Variants in POM121C observed in about 807,000 individuals in gnomAD.
POM121C encodes the protein POM121 transmembrane nucleoporin C.
In POM121C, 20 loss-of-function variants were observed where a neutral mutation model predicts 66.4. That is an observed-to-expected ratio of 0.30 (90% confidence interval 0.21 to 0.44). POM121C has a LOEUF of 0.44. Among genes scored for constraint, POM121C ranks in the 20% least tolerant of loss-of-function variants. The pLI, the probability that POM121C is intolerant of heterozygous loss-of-function variation, is 1.00. For missense variants in POM121C, 580 were observed against 1,225.7 expected, an observed-to-expected ratio of 0.47 and a Z score of 7.87; for synonymous variants, 286 against 528.0, an observed-to-expected ratio of 0.54 and a Z score of 6.28.
intron 3 of POM121C, among the ~76,000 whole-genome samples, chr7:75,469,262 G>C (rs1425470404): frequency 3.3e-5 from 5 of 151,932 alleles, no homozygotes; most frequent in African/African-American, 9.7e-5. Flanking sequence ...ACCAAACCCA[G>C]CTAATTTTTT....
chr7:75,429,554 C>G (rs1790086955), intron 7 of POM121C, among the ~76,000 whole-genome samples: 1 of 152,130 alleles, frequency 6.6e-6, no homozygotes, highest in South Asian at 2.1e-4. Flanking sequence ...TCACTTGAAC[C>G]CGGGAGGTGG....
At chr7:75,442,682 C>A (rs782185765) in intron 3 of POM121C, 20 of 1,428,382 alleles carry the variant, frequency 1.4e-5, no homozygotes, top group East Asian at 6.0e-5. Context: ...CGGCCGCCGC[C>A]GCTCGCCTGC....
rs1381974151 is a variant in POM121C, at chr7:75,441,493, C to T, written c.4G>A (p.Val2Met). The stretch of plus-strand genomic sequence containing the variant: ...ATCCTCACAGTCACTGGGCTACACA[C>T]CATCCTGGAGTTGCGAGGGGACAGC... The part of the protein sequence containing the change: M[V>M]CSPVTVRIAP... Residue 2 changes from valine (V) to methionine (M), a missense_variant, in exon 4 of 15, where the codon GTG (valine) becomes ATG (methionine). Coordinates refer to ENST00000615331, the MANE Select transcript of POM121C (RefSeq NM_001099415.3). The T allele has an allele frequency of 1.2e-6, 2 of 1,613,800 alleles. No individual in the cohort carries two copies. Among genetic ancestry groups the T allele is most frequent in the Admixed American group, 1.7e-5 (1 of 59,992 alleles).
intron 3 of POM121C, among the ~76,000 whole-genome samples, chr7:75,456,537 A>C (rs1346620026): frequency 6.6e-6 from 1 of 152,184 alleles, no homozygotes; most frequent in East Asian, 1.9e-4. Context: ...GAGGAAGAAG[A>C]TCTGGAGAGG....
intron 3 of POM121C, among the ~76,000 whole-genome samples, chr7:75,457,715 G>C (rs1791284225): frequency 6.6e-6 from 1 of 152,052 alleles, no homozygotes; most frequent in Non-Finnish European, 1.5e-5. Context: ...CTCTCTCAAA[G>C]ACAGTGAGGA....
At chr7:75,427,856 T>C (rs1340046468) in intron 7 of POM121C, among the ~76,000 whole-genome samples, 2 of 151,966 alleles carry the variant, frequency 1.3e-5, no homozygotes, top group Non-Finnish European at 2.9e-5. Flanking sequence ...TTCAGACAAG[T>C]GGTAAGCAGC....
At chr7:75,426,953 G>A (rs1789966441) in intron 7 of POM121C, among the ~76,000 whole-genome samples, 1 of 148,826 alleles carries the variant, frequency 6.7e-6, no homozygotes, top group African/African-American at 2.5e-5. Flanking sequence ...AAAGGTAGAA[G>A]GGATGGACAC....
chr7:75,483,441 T>C lies in POM121C; in HGVS notation c.-458+2423A>G, dbSNP rs587656033. On this transcript the variant is annotated intron_variant, in intron 1 of 14. Transcript: ENST00000615331. ...TGTAATCCCCAATGTTCCCTCTTCC[T>C]CCTGCTCTGGTGATGGAAGATGCAC... Among the ~76,000 whole-genome samples, 8 of 152,286 alleles carry C rather than the reference T, an allele frequency of 5.3e-5. 1 individual carries two copies. Among genetic ancestry groups the C allele is most frequent in the African/African-American group, 1.9e-4 (8 of 41,564 alleles).
chr7:75,472,878 T>C (rs1215937042), intron 3 of POM121C, among the ~76,000 whole-genome samples: 5 of 152,004 alleles, frequency 3.3e-5, no homozygotes, highest in African/African-American at 1.2e-4. Flanking sequence ...AGGGAAAATA[T>C]GTATTATCTC....
At chr7:75,421,447 G>A in intron 13 of POM121C, 62 bp downstream of exon 13, 1 of 1,607,764 alleles carries the variant, frequency 6.2e-7, no homozygotes. Flanking sequence ...CGAGACCACA[G>A]GCTTCACAGG....
intron 3 of POM121C, among the ~76,000 whole-genome samples, chr7:75,465,947 T>TA (rs1326144422): frequency 2.0e-5 from 2 of 100,222 alleles, no homozygotes; most frequent in Non-Finnish European, 4.2e-5. Context: ...TCGCCTCAAT[T>TA]AAAAAAAATA....
intron 10 of POM121C, 43 bp from the exon 11 acceptor site, chr7:75,424,671 C>T (rs782582337): frequency 1.1e-5 from 17 of 1,610,548 alleles, no homozygotes; most frequent in African/African-American, 2.7e-5. Flanking sequence ...TCAGAAAAAA[C>T]GGGAAGGCTG....
chr7:75,429,400 G>A (rs1321763021), intron 7 of POM121C, among the ~76,000 whole-genome samples: 2 of 152,250 alleles, frequency 1.3e-5, no homozygotes, highest in Non-Finnish European at 2.9e-5. Flanking sequence ...GGGAAGCAGA[G>A]GCAGGTGGAT....
chr7:75,483,615 G>C (rs1554480472), intron 1 of POM121C, among the ~76,000 whole-genome samples: 1 of 152,194 alleles, frequency 6.6e-6, no homozygotes, highest in East Asian at 1.9e-4. Flanking sequence ...AGCAGTGTGA[G>C]AATGGACTAA....
At chr7:75,439,628 C>T (rs1418774584) in intron 5 of POM121C, among the ~76,000 whole-genome samples, 15 of 152,162 alleles carry the variant, frequency 9.9e-5, no homozygotes, top group Non-Finnish European at 1.8e-4. Flanking sequence ...TCCAGCGATC[C>T]TCCCACCTTG....
chr7:75,474,188 G>A (rs1791982828), intron 3 of POM121C, among the ~76,000 whole-genome samples: 2 of 152,208 alleles, frequency 1.3e-5, no homozygotes, highest in South Asian at 4.1e-4. Context: ...GAGGCCAGGA[G>A]TTCAAGACCA....
intron 7 of POM121C, among the ~76,000 whole-genome samples, chr7:75,429,818 G>C (rs1425509985): frequency 1.5e-4 from 23 of 152,110 alleles, no homozygotes; most frequent in African/African-American, 5.3e-4. Flanking sequence ...TTTGAGACCA[G>C]CCTAGGCAAC....
intron 3 of POM121C, among the ~76,000 whole-genome samples, chr7:75,452,048 C>G (rs1791040232): frequency 6.6e-6 from 1 of 151,938 alleles, no homozygotes; most frequent in South Asian, 2.1e-4. Flanking sequence ...CCTATAATCT[C>G]AGCTACTTGG....
intron 3 of POM121C, among the ~76,000 whole-genome samples, chr7:75,454,976 C>T (rs587687358): frequency 6.6e-6 from 1 of 152,318 alleles, no homozygotes; most frequent in South Asian, 2.1e-4. Flanking sequence ...GTCTTGTCTC[C>T]ATAGTCACAT....
Sources: gnomAD v4.1 joint callset for allele counts (sites outside exome capture counted in the v4.1 genomes callset) on GRCh38, gnomAD v4.1.1 for gene constraint, MANE v1.5 for transcripts, NCBI Gene and HGNC (gene_info 2026-07-23, HGNC 2026-07-21) for gene names.